ALDH6A1: variants seen among roughly 807,000 people sequenced by gnomAD.
The protein encoded by ALDH6A1 is aldehyde dehydrogenase 6 family member A1, also known as methylmalonate-semialdehyde/malonate-semialdehyde dehydrogenase [acylating], mitochondrial.
In ALDH6A1, 43 loss-of-function variants were observed where a neutral mutation model predicts 62.6. The ratio of observed to expected loss-of-function variants is 0.69; its 90% CI spans 0.54 to 0.89. The LOEUF is 0.89. Ranked by LOEUF, ALDH6A1 falls within the 40% of genes least tolerant of loss-of-function variation. The pLI is 0.00. For synonymous variants in ALDH6A1, 194 were observed against 234.2 expected (o/e 0.83, Z 1.57); for missense variants, 551 against 661.3 (o/e 0.83, Z 1.83).
chr14:74,082,089 C>T (rs1273764052), intron 1 of ALDH6A1, among the ~76,000 whole-genome samples: 2 of 152,102 alleles, frequency 1.3e-5, no homozygotes, highest in Admixed American at 1.3e-4. Context: ...TCTGTTGTTG[C>T]AGCTACTCGG....
chr14:74,074,303 T>C (rs1356839856), intron 2 of ALDH6A1, among the ~76,000 whole-genome samples: 4 of 149,856 alleles, frequency 2.7e-5, no homozygotes, highest in Non-Finnish European at 5.9e-5. Flanking sequence ...TTTTTTTTTT[T>C]TTGAAACGGA....
rs373121592 is a variant in ALDH6A1, at chr14:74,057,170, T to C, written c.*3472A>G. The stretch of plus-strand genomic sequence containing the variant: ...GATGAAAGTAAGCTTCAAGATAAAA[T>C]CTTCATCACCCAGCAAATTGCAATA... On this transcript the variant is annotated 3_prime_UTR_variant, in exon 12 of 12. Transcript: ENST00000553458. The C allele has an allele frequency of 4.7e-5, 75 of 1,612,726 alleles. No homozygotes were observed. Among genetic ancestry groups the C allele is most frequent in the Non-Finnish European group, 5.7e-5 (67 of 1,179,090 alleles).
In ALDH6A1 at chr14:74,071,389, C is replaced by T. The variant is rs747823616; in HGVS notation, c.536G>A (p.Cys179Tyr). Residue 179 changes from cysteine to tyrosine, a missense_variant, in exon 6 of 12, where the codon TGT becomes TAT. Transcript: ENST00000553458. ...LYSYRLPLGV[C>Y]AGIAPFNFPA... ...AAAATTGAATGGAGCAATGCCTGCA[C>T]ACACTCCCAGAGGCAGACGGTAGGA... 6.2e-7 allele frequency: 1 copy of T among 1,614,154 alleles called. No homozygotes were observed. The highest frequency in any genetic ancestry group is 2.2e-5 in the East Asian group (1 of 44,880).
intron 2 of ALDH6A1, 119 bp from the exon 3 acceptor site, chr14:74,072,730 C>A (rs1392326568): frequency 8.8e-7 from 1 of 1,133,526 alleles, no homozygotes; most frequent in Non-Finnish European, 1.3e-6. Context: ...ATAACGGAAT[C>A]TTCTGGTCTT....
Position 74,084,384 on chromosome 14 carries a change from A to AGCGCCGCCATG in ALDH6A1, c.-1_10dup (p.Leu4ProfsTer22). The AGCGCCGCCATG allele has an allele frequency of 6.2e-7, 1 of 1,613,512 alleles. No homozygotes were observed. Among genetic ancestry groups the AGCGCCGCCATG allele is most frequent in the South Asian group, 1.1e-5 (1 of 91,050 alleles). On this transcript the variant is annotated frameshift_variant, in exon 1 of 12. Transcript: ENST00000553458. LOFTEE classifies it high-confidence loss of function. ...GGCTCGCACTGCCGCCGCCGCCAAT[A>AGCGCCGCCATG]GCGCCGCCATGGCTCTCGGCCGCCC...
intron 1 of ALDH6A1, among the ~76,000 whole-genome samples, chr14:74,080,051 C>A (rs12880122): frequency 0.51 from 75,708 of 148,874 alleles, 19,495 homozygotes; most frequent in East Asian, 0.89. Flanking sequence ...AAAACAAAAA[C>A]CAAAAAACAA....
At chr14:74,075,118 G>A in intron 1 of ALDH6A1, 101 bp from the exon 2 acceptor site, 2 of 1,052,200 alleles carry the variant, frequency 1.9e-6, no homozygotes, top group Admixed American at 2.0e-5. Context: ...TATATAGGGG[G>A]TATGTTTCTC....
intron 1 of ALDH6A1, among the ~76,000 whole-genome samples, chr14:74,080,578 C>T (rs1280477412): frequency 3.9e-5 from 6 of 152,090 alleles, no homozygotes; most frequent in African/African-American, 7.2e-5. Flanking sequence ...CCTAGGAGTA[C>T]AGGCACATGC....
intron 7 of ALDH6A1, 30 bp from the exon 8 acceptor site, chr14:74,067,599 C>A (rs762238425): frequency 6.2e-7 from 1 of 1,609,580 alleles, no homozygotes; most frequent in South Asian, 1.1e-5. Context: ...GCACATGAGT[C>A]TTCCTTGGCC....
At chr14:74,075,103 T>C in intron 1 of ALDH6A1, 86 bp from the exon 2 acceptor site, 2 of 1,189,586 alleles carry the variant, frequency 1.7e-6, no homozygotes, top group East Asian at 2.5e-5. Flanking sequence ...TGCTATTTGC[T>C]ATAGTATATA....
chr14:74,077,262 A>C (rs2060622600), intron 1 of ALDH6A1, among the ~76,000 whole-genome samples: 1 of 152,138 alleles, frequency 6.6e-6, no homozygotes, highest in Non-Finnish European at 1.5e-5. Flanking sequence ...TCCTACCCCA[A>C]ACTAGGTTAA....
intron 2 of ALDH6A1, 23 bp from the exon 3 acceptor site, chr14:74,072,634 C>T: frequency 1.2e-6 from 2 of 1,610,940 alleles, no homozygotes; most frequent in South Asian, 2.2e-5. Flanking sequence ...AACAAACAAA[C>T]AAACAAACAA....
At chr14:74,067,903 TGACAGA>T (rs1485735254) in intron 7 of ALDH6A1, among the ~76,000 whole-genome samples, 1 of 150,616 alleles carries the variant, frequency 6.6e-6, no homozygotes, top group Non-Finnish European at 1.5e-5. Flanking sequence ...CCAGACTGGG[TGACAGA>T]GTGAGACCCC....
intron 1 of ALDH6A1, among the ~76,000 whole-genome samples, chr14:74,077,907 G>A (rs1191396702): frequency 6.6e-6 from 1 of 152,130 alleles, no homozygotes; most frequent in Non-Finnish European, 1.5e-5. Context: ...TTATAGAAAA[G>A]TAGTTAGCAC....
At chr14:74,078,898 C>T (rs904916836) in intron 1 of ALDH6A1, among the ~76,000 whole-genome samples, 1 of 151,816 alleles carries the variant, frequency 6.6e-6, no homozygotes, top group Admixed American at 6.6e-5. Context: ...CTCCTGACCT[C>T]AGGTGATCTG....
At chr14:74,071,708 T>C (rs1299855739) in intron 5 of ALDH6A1, 188 bp downstream of exon 5, 5 of 1,478,796 alleles carry the variant, frequency 3.4e-6, no homozygotes, top group African/African-American at 1.4e-5. Flanking sequence ...TGGAAGATCA[T>C]TTGAGTAAAG....
intron 10 of ALDH6A1, 24 bp from the exon 11 acceptor site, chr14:74,064,944 A>G: frequency 6.2e-7 from 1 of 1,600,154 alleles, no homozygotes; most frequent in Non-Finnish European, 8.6e-7. Flanking sequence ...AATCCGTGTC[A>G]TATCCTAAGG....
At chr14:74,065,480 C>G in intron 9 of ALDH6A1, 120 bp from the exon 10 acceptor site, 2 of 921,832 alleles carry the variant, frequency 2.2e-6, no homozygotes, top group Non-Finnish European at 3.4e-6. Context: ...TATTACTAAT[C>G]TCTTTTCATT....
intron 6 of ALDH6A1, 120 bp from the exon 7 acceptor site, chr14:74,069,101 C>CTTT (rs900873855): frequency 0.011 from 5,019 of 458,162 alleles, 12 homozygotes; most frequent in East Asian, 0.038. Flanking sequence ...TTTACTTTTT[C>CTTT]TTTTTTTTTT....
Sources: allele counts gnomAD v4.1 joint callset (sites outside exome capture counted in the v4.1 genomes callset), GRCh38; gene constraint gnomAD v4.1.1; transcripts MANE v1.5; gene names NCBI Gene and HGNC (gene_info 2026-07-23, HGNC 2026-07-21).